The following BPI variants were observed in gnomAD, a reference collection of about 807,000 sequenced individuals.
BPI encodes bactericidal permeability-increasing protein.
A neutral mutation model predicts 57.6 loss-of-function variants in BPI; 48 were observed. The observed-to-expected ratio is 0.83, with a 90% confidence interval of 0.66 to 1.06. The LOEUF (loss-of-function observed/expected upper bound fraction) is 1.06. Ranked by LOEUF, BPI falls within the 50% of genes least tolerant of loss-of-function variation. The pLI, the probability that BPI is intolerant of heterozygous loss-of-function variation, is 0.00. For missense variants in BPI, 651 were observed against 609.7 expected (o/e 1.07, Z -0.71); for synonymous variants, 237 against 238.2 (o/e 0.99, Z 0.05).
chr20:38,305,153 G>T (rs924745059), intron 1 of BPI, among the ~76,000 whole-genome samples: 2 of 151,996 alleles, frequency 1.3e-5, no homozygotes, highest in African/African-American at 4.8e-5. Context: ...GTTGGGGTGC[G>T]TTGGGAAAAC....
At chr20:38,334,823 A>G (rs2154374) in intron 13 of BPI, among the ~76,000 whole-genome samples, 86,007 of 151,924 alleles carry the variant, frequency 0.57, 24,589 homozygotes, top group African/African-American at 0.63. Context: ...CAGGCAAGAG[A>G]TGGGGCATGG....
rs558623751 is a variant in BPI, at chr20:38,337,298, A to C, written c.*114A>C. ...AGATCTTAACCAAGAGCCCCTTGCA[A>C]ACTTCTTCGACTCAGATTCAGAAAT... On this transcript the variant is annotated 3_prime_UTR_variant, in exon 15 of 15. Coordinates refer to ENST00000642449, the MANE Select transcript of BPI (RefSeq NM_001725.3). The C allele has an allele frequency of 1.2e-6, 1 of 850,182 alleles. No homozygotes were observed. The highest frequency in any genetic ancestry group is 1.7e-5 in the South Asian group (1 of 59,034). 52.7% of individuals were successfully genotyped at this position (850,182 alleles called of 1,614,324 possible).
chr20:38,333,056 T>C (rs1366595814), intron 12 of BPI, among the ~76,000 whole-genome samples: 3 of 152,004 alleles, frequency 2.0e-5, no homozygotes, highest in Admixed American at 6.6e-5. Flanking sequence ...TTGTAAGCCC[T>C]CCAACCCCAA....
In BPI at chr20:38,337,199, C is replaced by G; in HGVS notation, c.*15C>G. 1 of 1,582,218 alleles carries G rather than the reference C, an allele frequency of 6.3e-7. No individual in the cohort carries two copies. The highest frequency in any genetic ancestry group is 8.6e-7 in the Non-Finnish European group (1 of 1,167,598). On this transcript the variant is annotated 3_prime_UTR_variant, in exon 15 of 15. Transcript: ENST00000642449. ...TCTATAAATGAAGGCACCAGGGGTG[C>G]CGGGGGCTGTCAGCCACACCTGTTC...
At chr20:38,319,824 G>A (rs2076672018) in intron 6 of BPI, 1 of 208,084 alleles carries the variant, frequency 4.8e-6, no homozygotes, top group Admixed American at 5.6e-5. Flanking sequence ...GCATCTGTGA[G>A]GTCACTAGGA....
intron 12 of BPI, among the ~76,000 whole-genome samples, chr20:38,333,059 A>C (rs1048148710): frequency 6.6e-6 from 1 of 152,028 alleles, no homozygotes; most frequent in Non-Finnish European, 1.5e-5. Context: ...TAAGCCCTCC[A>C]ACCCCAAAGT....
At chr20:38,312,247 C>T (rs988746841) in intron 5 of BPI, among the ~76,000 whole-genome samples, 4 of 152,202 alleles carry the variant, frequency 2.6e-5, no homozygotes, top group Non-Finnish European at 4.4e-5. Context: ...GCCTCCCTCT[C>T]TTCCCATAGC....
At chr20:38,332,737 G>T (rs2076748531) in intron 12 of BPI, among the ~76,000 whole-genome samples, 1 of 152,128 alleles carries the variant, frequency 6.6e-6, no homozygotes, top group African/African-American at 2.4e-5. Context: ...GCTCAAGTAG[G>T]TGGTTCGCCT....
intron 1 of BPI, among the ~76,000 whole-genome samples, chr20:38,305,635 C>A (rs1446639472): frequency 6.6e-6 from 1 of 152,188 alleles, no homozygotes; most frequent in Non-Finnish European, 1.5e-5. Context: ...AAAGCCTTCT[C>A]TAGGGCATGG....
chr20:38,309,874 G>A (rs962501495), intron 3 of BPI, among the ~76,000 whole-genome samples: 4 of 152,120 alleles, frequency 2.6e-5, no homozygotes, highest in East Asian at 1.9e-4. Context: ...CCACCCTGGC[G>A]GATGAAAGGG....
chr20:38,337,326 T>A lies in BPI; in HGVS notation c.*142T>A. ...TTCTTCGACTCAGATTCAGAAATGATCTAAACACGAGGAAACATTATTCAT... is the reference window on the plus strand; with the variant it reads ...TTCTTCGACTCAGATTCAGAAATGAACTAAACACGAGGAAACATTATTCAT... On this transcript the variant is annotated 3_prime_UTR_variant, in exon 15 of 15. Coordinates refer to ENST00000642449, the MANE Select transcript of BPI (RefSeq NM_001725.3). 1.5e-6 allele frequency: 1 copy of A among 670,778 alleles called. No individual in the cohort carries two copies. Among genetic ancestry groups the A allele is most frequent in the Non-Finnish European group, 2.5e-6 (1 of 404,326 alleles). The allele number at this position is 670,778 out of a possible 1,614,324, so 41.6% of individuals were successfully genotyped here.
chr20:38,309,349 T>G (rs1048055767), intron 3 of BPI, among the ~76,000 whole-genome samples: 4 of 152,222 alleles, frequency 2.6e-5, no homozygotes, highest in Non-Finnish European at 5.9e-5. Context: ...AGTTAGCTAT[T>G]GCTGTGTAAC....
At chr20:38,315,445 G>T (rs918197940) in intron 5 of BPI, among the ~76,000 whole-genome samples, 1 of 152,216 alleles carries the variant, frequency 6.6e-6, no homozygotes, top group African/African-American at 2.4e-5. Flanking sequence ...TACAAAGTGT[G>T]CATGAAGGGA....
intron 11 of BPI, among the ~76,000 whole-genome samples, chr20:38,328,200 G>T (rs989438671): frequency 1.3e-5 from 2 of 152,200 alleles, no homozygotes; most frequent in African/African-American, 4.8e-5. Context: ...TGCGTTAAAA[G>T]TGTGGCTCAC....
In BPI at chr20:38,304,246, C is replaced by T. The variant is rs5743498; in HGVS notation, c.23C>T (p.Ala8Val). ...AACATGGCCAGGGGCCCTTGCAACG[C>T]GCCGAGATGGGCGTCCCTGATGGTG... Reference protein sequence around the residue: MARGPCNAPRWASLMVLV... With the variant: MARGPCNVPRWASLMVLV... Residue 8 changes from alanine (A) to valine (V), a missense_variant, in exon 1 of 15, where the codon GCG (alanine) becomes GTG (valine). Ala to Val is a moderately conservative substitution (Grantham distance 64, BLOSUM62 0). Coordinates refer to ENST00000642449, the MANE Select transcript of BPI (RefSeq NM_001725.3). 984 of 1,614,166 alleles carry T rather than the reference C, an allele frequency of 6.1e-4. 2 individuals are homozygous for T. In the African/African-American group the frequency reaches 0.011, roughly 19 times the overall value.
chr20:38,334,378 G>T, intron 12 of BPI, 52 bp from the exon 13 acceptor site: 2 of 1,547,782 alleles, frequency 1.3e-6, no homozygotes, highest in Non-Finnish European at 1.8e-6. Flanking sequence ...TGCTGGACCC[G>T]CAAGGTTCTG....
intron 7 of BPI, among the ~76,000 whole-genome samples, chr20:38,321,389 T>C (rs1302607828): frequency 6.6e-6 from 1 of 152,060 alleles, no homozygotes; most frequent in African/African-American, 2.4e-5. Flanking sequence ...CTTCCTCAAA[T>C]AGGTTAAGCT....
At chr20:38,327,127 A>G (rs2076717427) in intron 10 of BPI, among the ~76,000 whole-genome samples, 1 of 152,228 alleles carries the variant, frequency 6.6e-6, no homozygotes, top group Non-Finnish European at 1.5e-5. Context: ...TGCACCAGGA[A>G]GCACTTAGAG....
intron 11 of BPI, among the ~76,000 whole-genome samples, chr20:38,329,723 T>C (rs1320252381): frequency 6.6e-6 from 1 of 151,288 alleles, no homozygotes; most frequent in Non-Finnish European, 1.5e-5. Context: ...ATTTTATTTA[T>C]TTTTTTTTAG....
Sources: gnomAD v4.1 joint callset for allele counts (sites outside exome capture counted in the v4.1 genomes callset) on GRCh38, gnomAD v4.1.1 for gene constraint, MANE v1.5 for transcripts, NCBI Gene and HGNC (gene_info 2026-07-23, HGNC 2026-07-21) for gene names.